RIIAD1: variants seen among roughly 807,000 people sequenced by gnomAD.
RIIAD1 encodes RIIa domain-containing protein 1.
Under a neutral mutation model 13.3 loss-of-function variants are expected in RIIAD1, and 15 were observed. The observed-to-expected ratio is 1.13, with a 90% CI of 0.76 to 1.74. The LOEUF is 1.74. Among genes scored for constraint, RIIAD1 ranks in the 40% most tolerant of loss-of-function variants. The pLI is 0.00. For synonymous variants in RIIAD1, 50 were observed against 43.3 expected (o/e 1.16, Z -0.61); for missense variants, 121 against 112.2 (o/e 1.08, Z -0.35).
At chr1:151,726,136 C>CATGAAG (rs1673825437) in intron 2 of RIIAD1, among the ~76,000 whole-genome samples, 1 of 152,184 alleles carries the variant, frequency 6.6e-6, no homozygotes, top group Non-Finnish European at 1.5e-5. Flanking sequence ...CTCATCCTGC[C>CATGAAG]TACTACAATC....
At chr1:151,712,916 CTCAT>C (rs1159682660) in intron 2 of RIIAD1, among the ~76,000 whole-genome samples, 2 of 151,394 alleles carry the variant, frequency 1.3e-5, no homozygotes, top group African/African-American at 2.5e-5. Flanking sequence ...TGCACACACA[CTCAT>C]GCATGCACAC....
Position 151,727,609 on chromosome 1 carries a change from G to T in RIIAD1, c.196G>T (p.Glu66Ter), listed in dbSNP as rs1395604581. ...TTTGAAAAGACCAGACAACATCCTA[G>T]AATTTGCTGCAGGTGAGTAAGGCAG... ...IFLKRPDNIL[E>*]FAADYFTDPR... Residue 66 changes from glutamate (E) to a stop codon, truncating the protein, a stop_gained, in exon 3 of 5, where the codon GAA becomes TAA. Coordinates refer to ENST00000479191, the MANE Select transcript of RIIAD1 (RefSeq NM_001144956.3). LOFTEE classifies it high-confidence loss of function. The T allele has an allele frequency of 6.5e-7, 1 of 1,550,294 alleles. No homozygotes were observed. Among genetic ancestry groups the T allele is most frequent in the South Asian group, 1.2e-5 (1 of 84,028 alleles).
chr1:151,717,996 G>A (rs1571945713), upstream of RIIAD1, among the ~76,000 whole-genome samples: 1 of 151,986 alleles, frequency 6.6e-6, no homozygotes, highest in East Asian at 2.0e-4. Context: ...TCAGCAACGG[G>A]GGCTCTCCTG....
At chr1:151,725,353 G>A (rs1477102118) in intron 2 of RIIAD1, among the ~76,000 whole-genome samples, 1 of 149,224 alleles carries the variant, frequency 6.7e-6, no homozygotes, top group Non-Finnish European at 1.5e-5. Context: ...CTCGTGATCT[G>A]CCTGCCTCGG....
At chr1:151,713,247 G>C (rs544053599) in intron 2 of RIIAD1, among the ~76,000 whole-genome samples, 3 of 152,302 alleles carry the variant, frequency 2.0e-5, no homozygotes, top group African/African-American at 4.8e-5. Context: ...CCCACCCTGG[G>C]CTGGACTTCC....
At chr1:151,724,743 G>A (rs1036326438) in intron 2 of RIIAD1, among the ~76,000 whole-genome samples, 1 of 152,078 alleles carries the variant, frequency 6.6e-6, no homozygotes, top group African/African-American at 2.4e-5. Flanking sequence ...AAGGTACACA[G>A]AAACCTCAGG....
At chr1:151,728,957 AT>A (rs1314846293) in intron 4 of RIIAD1, 64 bp downstream of exon 4, 1 of 666,122 alleles carries the variant, frequency 1.5e-6, no homozygotes, top group Non-Finnish European at 2.7e-6. Flanking sequence ...GCTCTGGTTT[AT>A]TGGTCCAGGG....
At chr1:151,725,092 G>A (rs1673803393) in intron 2 of RIIAD1, among the ~76,000 whole-genome samples, 1 of 130,088 alleles carries the variant, frequency 7.7e-6, no homozygotes, top group African/African-American at 2.9e-5. Flanking sequence ...ACAGGCATGA[G>A]CCACCGCACC....
intron 3 of RIIAD1, among the ~76,000 whole-genome samples, chr1:151,728,045 A>T (rs61192471): frequency 0.013 from 2,054 of 152,320 alleles, 50 homozygotes; most frequent in African/African-American, 0.047. Context: ...AAGACTCCCC[A>T]GGTGATTCTA....
At chr1:151,713,348 A>C (rs559773499) in intron 2 of RIIAD1, 3 of 152,190 alleles carry the variant, frequency 2.0e-5, no homozygotes, top group African/African-American at 7.2e-5. Context: ...TAGGGTGGAC[A>C]CCTGCAGCTG....
chr1:151,714,202 C>T (rs1477135508), intron 3 of RIIAD1, among the ~76,000 whole-genome samples: 1 of 152,154 alleles, frequency 6.6e-6, no homozygotes, highest in Non-Finnish European at 1.5e-5. Context: ...CTCACAGCCA[C>T]CCAGCCTGCC....
At chr1:151,726,469 C>A (rs1267472425) in intron 2 of RIIAD1, among the ~76,000 whole-genome samples, 1 of 152,080 alleles carries the variant, frequency 6.6e-6, no homozygotes, top group Non-Finnish European at 1.5e-5. Context: ...GGGCAAAATT[C>A]TTGAAGGTTA....
Position 151,714,472 on chromosome 1 carries a change from G to C in RIIAD1, c.-37G>C, listed in dbSNP as rs760378630. Reference sequence around the variant, plus strand: ...AAGAAAGATGGATGCTACAGAGAGAGAGGGGGACTTCCTGGTGATGAGAGG... The same window carrying C: ...AAGAAAGATGGATGCTACAGAGAGACAGGGGGACTTCCTGGTGATGAGAGG... On this transcript the variant is annotated 5_prime_UTR_variant, in exon 4 of 9. Coordinates refer to the RIIAD1 transcript ENST00000326413. 178 of 750,214 alleles carry C rather than the reference G, an allele frequency of 2.4e-4. 1 individual carries two copies. The highest frequency in any genetic ancestry group is 1.5e-4 in the Non-Finnish European group (63 of 415,088). The allele number at this position is 750,214 out of a possible 1,614,324, so 46.5% of individuals were successfully genotyped here.
At chr1:151,721,503 G>T, upstream of RIIAD1, 1 of 1,275,386 alleles carries the variant, frequency 7.8e-7, no homozygotes, top group East Asian at 3.1e-5. Flanking sequence ...GGCCTCGCCG[G>T]CTCGCGGCCG....
chr1:151,721,000 C>T (rs1474760029), upstream of RIIAD1, among the ~76,000 whole-genome samples: 1 of 152,132 alleles, frequency 6.6e-6, no homozygotes, highest in Non-Finnish European at 1.5e-5. Context: ...GCAGAATGTC[C>T]CCCAGGTCCT....
chr1:151,712,480 T>C (rs956889242), intron 2 of RIIAD1, among the ~76,000 whole-genome samples: 1 of 152,208 alleles, frequency 6.6e-6, no homozygotes, highest in Non-Finnish European at 1.5e-5. Flanking sequence ...TCCACCTTCC[T>C]GACTGCAGAC....
chr1:151,721,455 A>G, upstream of RIIAD1: 1 of 824,038 alleles, frequency 1.2e-6, no homozygotes, highest in Non-Finnish European at 1.7e-6. Context: ...GCTTCGCTGA[A>G]GGGGCCGGGC....
At position 151,728,763 on chromosome 1, in the gene RIIAD1, C is replaced by T; in HGVS notation, c.209-3C>T. 1 of 1,512,812 alleles carries T rather than the reference C, an allele frequency of 6.6e-7. No homozygotes were observed. Among genetic ancestry groups the T allele is most frequent in the South Asian group, 1.2e-5 (1 of 83,186 alleles). The allele number at this position is 1,512,812 out of a possible 1,614,324, so 93.7% of individuals were successfully genotyped here. ...GATGTCTTCTTTTTGATTTTTATCC[C>T]AGACTACTTCACGGATCCAAGACTT... On this transcript the variant is annotated splice_region_variant and splice_polypyrimidine_tract_variant and intron_variant, in intron 3 of 4. Coordinates refer to ENST00000479191, the MANE Select transcript of RIIAD1 (RefSeq NM_001144956.3).
chr1:151,723,992 G>A (rs1021857755), intron 2 of RIIAD1, among the ~76,000 whole-genome samples: 1 of 152,236 alleles, frequency 6.6e-6, no homozygotes, highest in African/African-American at 2.4e-5. Flanking sequence ...TTCCAGCAGA[G>A]AGATTGGGGA....
Sources: allele counts gnomAD v4.1 joint callset (sites outside exome capture counted in the v4.1 genomes callset), GRCh38; gene constraint gnomAD v4.1.1; transcripts MANE v1.5; gene names NCBI Gene and HGNC (gene_info 2026-07-23, HGNC 2026-07-21).